XPNPEP3: variants seen among roughly 807,000 people sequenced by gnomAD.
The protein encoded by XPNPEP3 is xaa-Pro aminopeptidase 3.
XPNPEP3 carries 41 observed loss-of-function variants against 60.0 expected under a neutral mutation model. The observed-to-expected ratio is 0.68, with a 90% CI of 0.53 to 0.89. The LOEUF is 0.89. Ranked by LOEUF, XPNPEP3 falls within the 40% of genes least tolerant of loss-of-function variation. The pLI is 0.00. For missense variants in XPNPEP3, 598 were observed against 638.9 expected, an observed-to-expected ratio of 0.94 and a Z score of 0.69; for synonymous variants, 212 against 223.2, an observed-to-expected ratio of 0.95 and a Z score of 0.45.
Position 40,860,811 on chromosome 22 carries a change from T to G in XPNPEP3, c.64+3566T>G, listed in dbSNP as rs746110378. ...GACTACAGGTGCACACCACCACACT[T>G]GGCTAATTTTTAAATTTTTTGTAGA... On this transcript the variant is annotated intron_variant, in intron 1 of 9. Coordinates refer to ENST00000357137, the MANE Select transcript of XPNPEP3 (RefSeq NM_022098.4). The G allele has an allele frequency of 1.9e-5, 12 of 636,370 alleles. No individual in the cohort carries two copies. In the Admixed American group the frequency reaches 2.7e-4, roughly 14 times the overall value. The allele number at this position is 636,370 out of a possible 1,614,324, so 39.4% of individuals were successfully genotyped here.
intron 4 of XPNPEP3, among the ~76,000 whole-genome samples, chr22:40,899,096 G>A (rs1462460334): frequency 2.0e-5 from 3 of 152,178 alleles, no homozygotes; most frequent in Non-Finnish European, 4.4e-5. Flanking sequence ...GGTATTGCAT[G>A]TAATAGTCTA....
chr22:40,898,315 G>A (rs1396776890), intron 4 of XPNPEP3, among the ~76,000 whole-genome samples: 2 of 110,282 alleles, frequency 1.8e-5, no homozygotes, highest in Non-Finnish European at 3.2e-5. Context: ...CTGCAGTGGC[G>A]CAATCTCGGC....
intron 6 of XPNPEP3, among the ~76,000 whole-genome samples, chr22:40,910,566 C>T (rs540530837): frequency 6.6e-6 from 1 of 151,678 alleles, no homozygotes; most frequent in East Asian, 1.9e-4. Context: ...ATGAACCAGG[C>T]GTGATGGTAC....
intron 1 of XPNPEP3, among the ~76,000 whole-genome samples, chr22:40,867,919 C>CA (rs2057986503): frequency 7.0e-6 from 1 of 142,442 alleles, no homozygotes; most frequent in Non-Finnish European, 1.5e-5. Context: ...GCCTGGGCGA[C>CA]AGAGTGAGAC....
chr22:40,867,124 G>C (rs909900622), intron 1 of XPNPEP3, among the ~76,000 whole-genome samples: 3 of 152,174 alleles, frequency 2.0e-5, no homozygotes, highest in Non-Finnish European at 4.4e-5. Context: ...AGCTTTGAAG[G>C]CTTTGTATTC....
At position 40,929,870 on chromosome 22, in the gene XPNPEP3, A is replaced by C. The variant is rs1024683827; in HGVS notation, c.*3435A>C. The stretch of plus-strand genomic sequence containing the variant: ...ATTTTTTAATACAGAGAATGCTATT[A>C]ACTGTTACTGGATATCAAATAATTT... On this transcript the variant is annotated 3_prime_UTR_variant, in exon 10 of 10. Coordinates refer to ENST00000357137, the MANE Select transcript of XPNPEP3 (RefSeq NM_022098.4). 6.6e-6 allele frequency: 1 copy of C among 152,168 alleles called. No individual in the cohort carries two copies. The highest frequency in any genetic ancestry group is 1.5e-5 in the Non-Finnish European group (1 of 68,026). The allele number at this position is 152,168 out of a possible 1,614,324, so 9.4% of individuals were successfully genotyped here.
chr22:40,878,795 C>T (rs915784930), intron 2 of XPNPEP3, among the ~76,000 whole-genome samples: 2 of 152,036 alleles, frequency 1.3e-5, no homozygotes, highest in African/African-American at 4.8e-5. Context: ...ATCGTGTTAG[C>T]CAGACTGGCC....
At chr22:40,861,126 CCA>C (rs774269736) in intron 1 of XPNPEP3, 59 of 1,612,246 alleles carry the variant, frequency 3.7e-5, no homozygotes, top group Admixed American at 1.7e-5. Flanking sequence ...TTTCCTCTTA[CCA>C]CCCTCTTTGA....
At chr22:40,862,331 C>T in intron 1 of XPNPEP3, 1 of 1,030,682 alleles carries the variant, frequency 9.7e-7, no homozygotes, top group Non-Finnish European at 1.2e-6. Context: ...CAGGCAGTGC[C>T]TCATAAGCCA....
chr22:40,881,495 AGT>A (rs1320940358), intron 2 of XPNPEP3, among the ~76,000 whole-genome samples: 1 of 151,722 alleles, frequency 6.6e-6, no homozygotes, highest in African/African-American at 2.4e-5. Flanking sequence ...AATATAACTG[AGT>A]GAGTAAAAGA....
intron 1 of XPNPEP3, chr22:40,860,048 AT>A (rs2057932619): frequency 6.6e-6 from 1 of 152,172 alleles, no homozygotes; most frequent in Non-Finnish European, 1.5e-5. Flanking sequence ...ACTACATAAA[AT>A]TTACCATGTT....
At chr22:40,916,786 A>G (rs536678082) in intron 7 of XPNPEP3, among the ~76,000 whole-genome samples, 62 of 152,332 alleles carry the variant, frequency 4.1e-4, no homozygotes, top group Non-Finnish European at 7.4e-4. Flanking sequence ...GGTGATAAAA[A>G]TATCTTTAAA....
At chr22:40,870,118 C>T (rs539046357) in intron 2 of XPNPEP3, 10 of 470,530 alleles carry the variant, frequency 2.1e-5, no homozygotes, top group African/African-American at 1.6e-4. Context: ...CACAAGAAAT[C>T]AGAGTTTTTC....
chr22:40,901,096 T>TA (rs1279544140), intron 4 of XPNPEP3, among the ~76,000 whole-genome samples: 4 of 150,818 alleles, frequency 2.7e-5, no homozygotes, highest in Non-Finnish European at 4.4e-5. Context: ...CTCTTTTTAT[T>TA]AAAAAAAAAG....
intron 6 of XPNPEP3, among the ~76,000 whole-genome samples, chr22:40,913,448 A>G (rs2058184029): frequency 1.3e-5 from 2 of 151,942 alleles, no homozygotes; most frequent in South Asian, 4.2e-4. Context: ...AAAAAAAAAA[A>G]AAAAAAGAGG....
intron 1 of XPNPEP3, chr22:40,862,533 A>G: frequency 1.0e-6 from 1 of 985,270 alleles, no homozygotes; most frequent in Non-Finnish European, 1.2e-6. Flanking sequence ...GGAGATACAA[A>G]CAAGTAACTT....
intron 2 of XPNPEP3, among the ~76,000 whole-genome samples, chr22:40,878,873 C>A (rs1569018959): frequency 6.6e-6 from 1 of 152,138 alleles, no homozygotes; most frequent in Non-Finnish European, 1.5e-5. Context: ...TAGGCGTGAG[C>A]CACTGCACCC....
chr22:40,889,843 A>G (rs759966930), intron 4 of XPNPEP3, among the ~76,000 whole-genome samples: 7 of 152,148 alleles, frequency 4.6e-5, no homozygotes, highest in African/African-American at 1.2e-4. Flanking sequence ...AAATGCATAC[A>G]CAGAATCCAA....
intron 4 of XPNPEP3, among the ~76,000 whole-genome samples, chr22:40,892,222 G>A (rs1569023518): frequency 1.3e-5 from 2 of 151,798 alleles, no homozygotes; most frequent in African/African-American, 4.8e-5. Context: ...GAATCGCTGT[G>A]TCACCAGGCT....
Sources: gnomAD v4.1 joint callset for allele counts (sites outside exome capture counted in the v4.1 genomes callset) on GRCh38, gnomAD v4.1.1 for gene constraint, MANE v1.5 for transcripts, NCBI Gene and HGNC (gene_info 2026-07-23, HGNC 2026-07-21) for gene names.